MAF: variants seen among roughly 807,000 people sequenced by gnomAD.
MAF encodes the protein transcription factor Maf.
In MAF, 10 loss-of-function variants were observed where a neutral mutation model predicts 22.0. That is an observed-to-expected ratio of 0.45 (90% CI 0.28 to 0.77). The LOEUF is 0.77. Ranked by LOEUF, MAF falls within the 30% of genes least tolerant of loss-of-function variation. MAF has a pLI of 0.12. For missense variants in MAF, 544 were observed against 548.4 expected (o/e 0.99, Z 0.08); for synonymous variants, 337 against 255.8 (o/e 1.32, Z -3.03).
chr16:79,475,594 G>C, the MAF span, among the ~76,000 whole-genome samples: 1 of 152,164 alleles, frequency 6.6e-6, no homozygotes, highest in Non-Finnish European at 1.5e-5. Flanking sequence ...GAATTTCCTG[G>C]GGGAGATGGA....
At chr16:79,345,356 A>G in the MAF span, among the ~76,000 whole-genome samples, 1 of 152,204 alleles carries the variant, frequency 6.6e-6, no homozygotes, top group African/African-American at 2.4e-5. Flanking sequence ...TACAATGGCG[A>G]TAAGAATTTT....
At chr16:79,327,523 T>C in the MAF span, among the ~76,000 whole-genome samples, 3 of 152,210 alleles carry the variant, frequency 2.0e-5, no homozygotes, top group African/African-American at 7.2e-5. Context: ...AGGTATTGAT[T>C]TGACAAGGTC....
the MAF span, among the ~76,000 whole-genome samples, chr16:79,341,176 C>G: frequency 6.6e-6 from 1 of 152,158 alleles, no homozygotes; most frequent in Admixed American, 6.5e-5. Flanking sequence ...GTCTTGTCAA[C>G]AAGATAAGGA....
chr16:79,485,082 A>G, the MAF span, among the ~76,000 whole-genome samples: 15 of 152,184 alleles, frequency 9.9e-5, no homozygotes, highest in African/African-American at 3.4e-4. Context: ...AACCTGATAA[A>G]TAAGTCAAAG....
the MAF span, among the ~76,000 whole-genome samples, chr16:79,385,888 AAG>A: frequency 6.6e-6 from 1 of 152,170 alleles, no homozygotes; most frequent in Non-Finnish European, 1.5e-5. Flanking sequence ...ACCTGGGCTA[AAG>A]AGAGACTCTG....
the MAF span, among the ~76,000 whole-genome samples, chr16:79,448,173 C>T: frequency 0.088 from 13,401 of 152,126 alleles, 648 homozygotes; most frequent in African/African-American, 0.13. Context: ...TCAAATAGTG[C>T]CACATGCCAC....
chr16:79,474,152 C>A, the MAF span, among the ~76,000 whole-genome samples: 1 of 152,074 alleles, frequency 6.6e-6, no homozygotes, highest in African/African-American at 2.4e-5. Context: ...GGAGGGATAA[C>A]CTAGAATTAT....
the MAF span, among the ~76,000 whole-genome samples, chr16:79,534,142 A>G: frequency 1.7e-3 from 261 of 152,348 alleles, 2 homozygotes; most frequent in African/African-American, 6.0e-3. Context: ...TCAGAAGTAC[A>G]GCTTGTGAAC....
At chr16:79,371,628 T>C in the MAF span, among the ~76,000 whole-genome samples, 2 of 152,144 alleles carry the variant, frequency 1.3e-5, no homozygotes, top group Non-Finnish European at 2.9e-5. Context: ...GCTGTTCCCT[T>C]TGTGTGAAAT....
At chr16:79,453,743 G>A in the MAF span, among the ~76,000 whole-genome samples, 213 of 152,290 alleles carry the variant, frequency 1.4e-3, 2 homozygotes, top group African/African-American at 4.8e-3. Flanking sequence ...CCAATAGAAC[G>A]TCACTGCTAT....
chr16:79,438,609 G>C, the MAF span, among the ~76,000 whole-genome samples: 1 of 152,100 alleles, frequency 6.6e-6, no homozygotes. Flanking sequence ...CCATTTCACA[G>C]AGGAGGGAAG....
At chr16:79,211,852 A>T in the MAF span, 1 of 1,608,358 alleles carries the variant, frequency 6.2e-7, no homozygotes, top group Non-Finnish European at 8.5e-7. Context: ...CCCCTCACGC[A>T]AGTGCCAGGG....
chr16:79,507,338 G>C, the MAF span, among the ~76,000 whole-genome samples: 2 of 151,104 alleles, frequency 1.3e-5, no homozygotes, highest in East Asian at 2.0e-4. Flanking sequence ...GGATGGTCTT[G>C]ATCTCCTGAC....
the MAF span, among the ~76,000 whole-genome samples, chr16:79,410,805 T>C: frequency 2.6e-5 from 4 of 152,186 alleles, no homozygotes; most frequent in African/African-American, 9.7e-5. Flanking sequence ...TGACCATAGA[T>C]GGCAGATGAC....
the MAF span, chr16:79,212,473 AGATACCTTG>A: frequency 8.7e-6 from 2 of 231,160 alleles, no homozygotes; most frequent in East Asian, 1.8e-4. Flanking sequence ...ATCATTCCTT[AGATACCTTG>A]AAAGGCAGGA....
At chr16:79,520,238 C>A in the MAF span, among the ~76,000 whole-genome samples, 1 of 152,202 alleles carries the variant, frequency 6.6e-6, no homozygotes, top group African/African-American at 2.4e-5. Flanking sequence ...TTCAGATCAA[C>A]TGGCACTCCT....
chr16:79,315,480 G>A, the MAF span, among the ~76,000 whole-genome samples: 1 of 152,054 alleles, frequency 6.6e-6, no homozygotes, highest in East Asian at 1.9e-4. Context: ...GAGCATCGTT[G>A]AGCTGTTAAT....
At chr16:79,391,321 T>C in the MAF span, among the ~76,000 whole-genome samples, 1 of 152,212 alleles carries the variant, frequency 6.6e-6, no homozygotes, top group Non-Finnish European at 1.5e-5. Flanking sequence ...CTTAGTTTAA[T>C]ATTTTATTAT....
downstream of MAF, among the ~76,000 whole-genome samples, chr16:79,592,102 C>G (rs1361352155): frequency 6.6e-6 from 1 of 152,218 alleles, no homozygotes; most frequent in Non-Finnish European, 1.5e-5. Context: ...TAAAGTTCCC[C>G]TTTCTCTTGT....
Sources: allele counts gnomAD v4.1 joint callset (sites outside exome capture counted in the v4.1 genomes callset), GRCh38; gene constraint gnomAD v4.1.1; transcripts MANE v1.5; gene names NCBI Gene and HGNC (gene_info 2026-07-23, HGNC 2026-07-21).